SCAPER: variants seen among roughly 807,000 people sequenced by gnomAD.
SCAPER encodes S-phase cyclin A associated protein in the ER.
Under a neutral mutation model 182.2 loss-of-function variants are expected in SCAPER, and 98 were observed. The ratio of observed to expected loss-of-function variants is 0.54; its 90% CI spans 0.46 to 0.64. SCAPER has a LOEUF of 0.64. SCAPER is among the 30% of genes least tolerant of loss of function. The probability of loss-of-function intolerance (pLI) is 0.00; values close to 1 mark genes in which losing one functional copy is unlikely to be tolerated. For missense variants in SCAPER, 1,432 were observed against 1,690.0 expected, an observed-to-expected ratio of 0.85 and a Z score of 2.68; for synonymous variants, 605 against 564.6, an observed-to-expected ratio of 1.07 and a Z score of -1.01.
chr15:76,718,534 G>C (rs954551026), intron 17 of SCAPER, among the ~76,000 whole-genome samples: 1 of 151,846 alleles, frequency 6.6e-6, no homozygotes, highest in Non-Finnish European at 1.5e-5. Flanking sequence ...CCAGCTACTC[G>C]GGTGGCTGAA....
chr15:76,588,339 T>C (rs1041167788), intron 22 of SCAPER, among the ~76,000 whole-genome samples: 1 of 152,226 alleles, frequency 6.6e-6, no homozygotes, highest in African/African-American at 2.4e-5. Flanking sequence ...CTTTCATCAT[T>C]ATATAATGTC....
chr15:76,436,190 C>T (rs2047186630), intron 25 of SCAPER, among the ~76,000 whole-genome samples: 1 of 152,150 alleles, frequency 6.6e-6, no homozygotes. Context: ...GCCTCAGCCT[C>T]CTGAGTAGCT....
intron 24 of SCAPER, chr15:76,498,634 T>C (rs576298217): frequency 2.2e-4 from 34 of 152,266 alleles, no homozygotes; most frequent in Non-Finnish European, 4.3e-4. Context: ...ACATGGTTGC[T>C]GGTGATTGTG....
intron 7 of SCAPER, among the ~76,000 whole-genome samples, chr15:76,796,901 A>T (rs1332482492): frequency 6.6e-6 from 1 of 152,234 alleles, no homozygotes; most frequent in Non-Finnish European, 1.5e-5. Context: ...TCCATAAAGG[A>T]ACTTGAAAGC....
At chr15:76,596,549 G>A (rs1326462522) in intron 22 of SCAPER, among the ~76,000 whole-genome samples, 6 of 120,556 alleles carry the variant, frequency 5.0e-5, no homozygotes, top group South Asian at 2.6e-4. Flanking sequence ...GTTGAACACC[G>A]ATGTGAAAAT....
intron 15 of SCAPER, 81 bp from the exon 16 acceptor site, chr15:76,733,465 C>G: frequency 6.7e-7 from 1 of 1,501,620 alleles, no homozygotes. Flanking sequence ...TAACAACAGT[C>G]AGGCTGGGCG....
chr15:76,581,124 A>G (rs2048237262), intron 22 of SCAPER, among the ~76,000 whole-genome samples: 1 of 152,200 alleles, frequency 6.6e-6, no homozygotes, highest in South Asian at 2.1e-4. Context: ...TGATGAGACC[A>G]GTAAACAACT....
chr15:76,376,901 T>C (rs1447316442), intron 28 of SCAPER, among the ~76,000 whole-genome samples: 1 of 152,174 alleles, frequency 6.6e-6, no homozygotes, highest in African/African-American at 2.4e-5. Context: ...GCTATGGGAC[T>C]TCTGGGATCC....
intron 29 of SCAPER, among the ~76,000 whole-genome samples, chr15:76,367,142 C>T (rs1772338607): frequency 6.6e-6 from 1 of 152,228 alleles, no homozygotes; most frequent in Non-Finnish European, 1.5e-5. Flanking sequence ...CCCAGGCTAA[C>T]TCTTTATACA....
chr15:76,687,615 G>A (rs963267350), intron 20 of SCAPER, among the ~76,000 whole-genome samples: 1 of 151,906 alleles, frequency 6.6e-6, no homozygotes, highest in African/African-American at 2.4e-5. Context: ...AACAGGCCCC[G>A]GTGCGTGATG....
chr15:76,672,758 A>C (rs1266635803), intron 20 of SCAPER, among the ~76,000 whole-genome samples: 2 of 152,136 alleles, frequency 1.3e-5, no homozygotes, highest in East Asian at 3.8e-4. Flanking sequence ...GCAAGAGAAA[A>C]GATCAAATAT....
rs79443624 is a variant in SCAPER at position 76,654,611 on chromosome 15, T to C, written c.2645+11042A>G. 5.4e-3 allele frequency among the ~76,000 whole-genome samples: 824 copies of C among 152,284 alleles called. 6 individuals carry two copies. Among genetic ancestry groups the C allele is most frequent in the African/African-American group, 0.019 (797 of 41,552 alleles). On this transcript the variant is annotated intron_variant, in intron 21 of 31. Coordinates refer to ENST00000563290, the MANE Select transcript of SCAPER (RefSeq NM_020843.4). ...GCTACCATTCGACCCAGCAATTCCA[T>C]TACTGGGTATATACCCCAAATAAAA... is the stretch of plus-strand genomic sequence containing the variant.
intron 26 of SCAPER, among the ~76,000 whole-genome samples, chr15:76,410,562 T>C (rs1333168117): frequency 6.6e-6 from 1 of 152,214 alleles, no homozygotes; most frequent in Non-Finnish European, 1.5e-5. Flanking sequence ...TAGAAGCTAA[T>C]TCTACCTCTA....
chr15:76,656,931 C>T (rs2055692928), intron 21 of SCAPER, among the ~76,000 whole-genome samples: 1 of 152,120 alleles, frequency 6.6e-6, no homozygotes, highest in South Asian at 2.1e-4. Flanking sequence ...TGCTAAACTA[C>T]CACATCAAAA....
chr15:76,808,103 T>G (rs2066312913), intron 5 of SCAPER, among the ~76,000 whole-genome samples: 1 of 152,138 alleles, frequency 6.6e-6, no homozygotes, highest in Admixed American at 6.5e-5. Flanking sequence ...GTGTGAGCAC[T>G]TCCAGCAGCT....
chr15:76,444,979 T>A (rs150310819), intron 25 of SCAPER, among the ~76,000 whole-genome samples: 2 of 152,244 alleles, frequency 1.3e-5, no homozygotes, highest in African/African-American at 4.8e-5. Flanking sequence ...TTATTCTTTA[T>A]ATCTTCTATT....
intron 23 of SCAPER, among the ~76,000 whole-genome samples, chr15:76,555,959 G>A (rs1169243047): frequency 6.6e-6 from 1 of 151,984 alleles, no homozygotes; most frequent in East Asian, 1.9e-4. Context: ...GGTACATACT[G>A]GAAAACTGAC....
intron 27 of SCAPER, among the ~76,000 whole-genome samples, chr15:76,403,271 C>T (rs2044596805): frequency 6.6e-6 from 1 of 152,194 alleles, no homozygotes; most frequent in African/African-American, 2.4e-5. Flanking sequence ...ATGGTACTAC[C>T]TGATCCTACG....
rs770459947 is a variant in SCAPER, at chr15:76,471,268, C to T, written c.3022G>A (p.Val1008Ile). ...CNNCSENCSD[V>I]LFSNKITFLM... ...AAGGTAATCTTGTTACTAAACAGAA[C>T]ATCACTGCAGTTTTCTGAACAGTTA... Residue 1008 changes from valine (V) to isoleucine (I), a missense_variant, in exon 25 of 32, where the codon GTT (valine) becomes ATT (isoleucine). Coordinates refer to ENST00000563290, the MANE Select transcript of SCAPER (RefSeq NM_020843.4). 6.9e-5 allele frequency: 111 copies of T among 1,612,444 alleles called. No homozygotes were observed. The highest frequency in any genetic ancestry group is 9.1e-5 in the Non-Finnish European group (107 of 1,179,152).
Sources: gnomAD v4.1 joint callset for allele counts (sites outside exome capture counted in the v4.1 genomes callset) on GRCh38, gnomAD v4.1.1 for gene constraint, MANE v1.5 for transcripts, NCBI Gene and HGNC (gene_info 2026-07-23, HGNC 2026-07-21) for gene names.